Variants in TOMM70 observed in about 807,000 individuals in gnomAD.
The protein encoded by TOMM70 is translocase of outer mitochondrial membrane 70.
Under a neutral mutation model 73.6 loss-of-function variants are expected in TOMM70, and 13 were observed. The observed-to-expected ratio is 0.18, with a 90% CI of 0.11 to 0.28. TOMM70 has a LOEUF of 0.28. Ranked by LOEUF, TOMM70 falls within the 10% of genes least tolerant of loss-of-function variation. The probability of loss-of-function intolerance (pLI) is 1.00; values close to 1 mark genes in which losing one functional copy is unlikely to be tolerated. For synonymous variants in TOMM70, 257 were observed against 271.2 expected (o/e 0.95, Z 0.51); for missense variants, 609 against 747.5 (o/e 0.81, Z 2.16).
At chr3:100,383,460 T>C (rs1250504098) in intron 4 of TOMM70, among the ~76,000 whole-genome samples, 1 of 151,506 alleles carries the variant, frequency 6.6e-6, no homozygotes, top group Non-Finnish European at 1.5e-5. Context: ...GAGGCAGAGG[T>C]TGCAGTGAGC....
chr3:100,392,517 G>C (rs1432481494), intron 1 of TOMM70, among the ~76,000 whole-genome samples: 1 of 152,118 alleles, frequency 6.6e-6, no homozygotes, highest in African/African-American at 2.4e-5. Flanking sequence ...CTGGGTTCAA[G>C]TGATTCTTCT....
intron 6 of TOMM70, among the ~76,000 whole-genome samples, chr3:100,376,172 G>T (rs1004003347): frequency 2.0e-5 from 3 of 151,894 alleles, no homozygotes; most frequent in African/African-American, 7.3e-5. Context: ...ATTTATTATT[G>T]GTCATTTGTA....
In TOMM70 at chr3:100,365,081, T is replaced by TTTGTTTCTTTGTTTCTTTG. The variant is rs1295069816; in HGVS notation, c.*482_*483insCAAAGAAACAAAGAAACAA. On this transcript the variant is annotated 3_prime_UTR_variant, in exon 12 of 12. Coordinates refer to ENST00000284320, the MANE Select transcript of TOMM70 (RefSeq NM_014820.5). ...CTCTCAATTTTACTTTAATCCCCCATTTAACCTTTGTTTCTTTCAAAAAAT... is the reference window on the plus strand; with the variant it reads ...CTCTCAATTTTACTTTAATCCCCCATTTGTTTCTTTGTTTCTTTGTTAACCTTTGTTTCTTTCAAAAAAT... The TTTGTTTCTTTGTTTCTTTG allele has an allele frequency of 6.5e-6, 1 of 154,130 alleles. No homozygotes were observed. Among genetic ancestry groups the TTTGTTTCTTTGTTTCTTTG allele is most frequent in the Admixed American group, 6.4e-5 (1 of 15,694 alleles). 9.5% of individuals were successfully genotyped at this position (154,130 alleles called of 1,614,324 possible). A position where few individuals can be genotyped will look rare whatever the true frequency, so the allele number is the denominator to read the frequency against.
chr3:100,372,378 G>A (rs964764711), intron 9 of TOMM70: 65 of 375,424 alleles, frequency 1.7e-4, no homozygotes, highest in Non-Finnish European at 1.8e-4. Flanking sequence ...GGAAATTCTC[G>A]CCTTAAGCTT....
At chr3:100,367,801 T>C (rs1180973748) in intron 11 of TOMM70, among the ~76,000 whole-genome samples, 2 of 152,258 alleles carry the variant, frequency 1.3e-5, no homozygotes, top group South Asian at 2.1e-4. Flanking sequence ...TCAGGGGCTC[T>C]GAGTTGATGT....
chr3:100,375,244 TA>T, intron 6 of TOMM70, 92 bp from the exon 7 acceptor site: 1 of 1,421,528 alleles, frequency 7.0e-7, no homozygotes, highest in Non-Finnish European at 9.3e-7. Context: ...ATAATCCACA[TA>T]TCACAAAGGT....
chr3:100,368,213 T>C (rs763785236), intron 10 of TOMM70, 47 bp from the exon 11 acceptor site: 32 of 1,592,044 alleles, frequency 2.0e-5, no homozygotes, highest in Non-Finnish European at 2.7e-5. Context: ...CCAGTATCAG[T>C]AGGAATACAC....
chr3:100,384,783 C>A (rs1031170027), intron 3 of TOMM70, among the ~76,000 whole-genome samples, 195 bp from the exon 4 acceptor site: 1 of 152,162 alleles, frequency 6.6e-6, no homozygotes, highest in Non-Finnish European at 1.5e-5. Context: ...CAGAAAGTCA[C>A]TCCACTTCTC....
rs769287867 is a variant in TOMM70 at position 100,394,365 on chromosome 3, C to CTTTTCTTTTCTTTT, written c.324+6260_324+6261insAAAAGAAAAGAAAA. 3.3e-4 allele frequency among the ~76,000 whole-genome samples: 43 copies of CTTTTCTTTTCTTTT among 131,408 alleles called. 7 individuals are homozygous for CTTTTCTTTTCTTTT. The highest frequency in any genetic ancestry group is 9.4e-4 in the Admixed American group (12 of 12,768). The allele number at this position is 131,408 out of a possible 152,430, so 86.2% of individuals were successfully genotyped here. On this transcript the variant is annotated intron_variant, in intron 1 of 11. Coordinates refer to ENST00000284320, the MANE Select transcript of TOMM70 (RefSeq NM_014820.5). ...ACTTATTGACCAACTGTTACTTTTT[C>CTTTTCTTTTCTTTT]TTTTTTTTTTTTTGAGATAGAGTTT...
intron 1 of TOMM70, among the ~76,000 whole-genome samples, chr3:100,391,334 G>A (rs1018624983): frequency 6.6e-6 from 1 of 151,940 alleles, no homozygotes; most frequent in South Asian, 2.1e-4. Context: ...AGCTACTCTA[G>A]AAGAAGGCTT....
At chr3:100,391,627 A>G (rs1165221161) in intron 1 of TOMM70, among the ~76,000 whole-genome samples, 1 of 152,236 alleles carries the variant, frequency 6.6e-6, no homozygotes, top group Non-Finnish European at 1.5e-5. Flanking sequence ...TTTAAGAGAC[A>G]AAGTCTCCCT....
rs1706419336 is a variant in TOMM70, at chr3:100,363,795, A to C, written c.*1769T>G. On this transcript the variant is annotated 3_prime_UTR_variant, in exon 12 of 12. Transcript: ENST00000284320. ...GTTATCAGAAGGTGCATAATTTAAA[A>C]ACAAAATGCAGCGGTCTCAAACTTC... 1 of 152,310 alleles carries C rather than the reference A, an allele frequency of 6.6e-6. No homozygotes were observed. The allele number at this position is 152,310 out of a possible 1,614,324, so 9.4% of individuals were successfully genotyped here. A position where few individuals can be genotyped will look rare whatever the true frequency, so the allele number is the denominator to read the frequency against.
intron 1 of TOMM70, among the ~76,000 whole-genome samples, chr3:100,388,963 A>C (rs1270888971): frequency 6.6e-6 from 1 of 152,126 alleles, no homozygotes; most frequent in Admixed American, 6.6e-5. Context: ...GAGAAATTAA[A>C]TGACATGAAG....
chr3:100,383,810 G>A (rs1391223433), intron 4 of TOMM70, among the ~76,000 whole-genome samples: 3 of 152,152 alleles, frequency 2.0e-5, no homozygotes, highest in Non-Finnish European at 4.4e-5. Context: ...GATGCCTATG[G>A]TACTCTCTTT....
At chr3:100,383,511 A>T (rs1031451333) in intron 4 of TOMM70, among the ~76,000 whole-genome samples, 2 of 126,868 alleles carry the variant, frequency 1.6e-5, no homozygotes, top group African/African-American at 6.6e-5. Flanking sequence ...ACAAAGAAAG[A>T]AAAAAACAAA....
intron 11 of TOMM70, among the ~76,000 whole-genome samples, chr3:100,367,179 A>G (rs1411384175): frequency 6.6e-6 from 1 of 152,224 alleles, no homozygotes; most frequent in African/African-American, 2.4e-5. Flanking sequence ...AGATTGTGCC[A>G]CTGTACTCCA....
intron 5 of TOMM70, 148 bp downstream of exon 5, chr3:100,381,467 T>A (rs1246553477): frequency 6.5e-6 from 2 of 309,156 alleles, no homozygotes; most frequent in Admixed American, 5.6e-5. Context: ...AATAATAATA[T>A]TATATAATTT....
At position 100,386,898 on chromosome 3, in the gene TOMM70, C is replaced by G; in HGVS notation, c.405G>C (p.Gln135His). Residue 135 changes from glutamine to histidine, a missense_variant, in exon 2 of 12, where the codon CAG (glutamine) becomes CAC (histidine). Transcript: ENST00000284320. ...ACAAGCTAATAGCCTCAGTATAGCA[C>G]TGAATAGCTTGTTCATATTTTCCTG... ...FKAGKYEQAI[Q>H]CYTEAISLCP... The G allele has an allele frequency of 1.5e-5, 25 of 1,614,090 alleles. No individual in the cohort carries two copies. The highest frequency in any genetic ancestry group is 2.1e-5 in the Non-Finnish European group (25 of 1,179,994).
At chr3:100,385,597 C>A (rs557943325) in intron 3 of TOMM70, among the ~76,000 whole-genome samples, 57 of 152,280 alleles carry the variant, frequency 3.7e-4, no homozygotes, top group African/African-American at 1.3e-3. Context: ...TGGATGTATA[C>A]TGTTAATTGC....
Sources: allele counts gnomAD v4.1 joint callset (sites outside exome capture counted in the v4.1 genomes callset), GRCh38; gene constraint gnomAD v4.1.1; transcripts MANE v1.5; gene names NCBI Gene and HGNC (gene_info 2026-07-23, HGNC 2026-07-21).